XIRP2: variants seen among roughly 807,000 people sequenced by gnomAD.
XIRP2 encodes xin actin binding repeat containing 2.
Under a neutral mutation model 277.0 loss-of-function variants are expected in XIRP2, and 236 were observed. The ratio of observed to expected loss-of-function variants is 0.85; its 90% CI spans 0.77 to 0.95. The LOEUF is 0.95. Among genes scored for constraint, XIRP2 ranks in the 40% least tolerant of loss-of-function variants. XIRP2 has a pLI of 0.00. For missense variants in XIRP2, 4,640 were observed against 4,157.5 expected (o/e 1.12, Z -3.19); for synonymous variants, 1,490 against 1,416.5 (o/e 1.05, Z -1.17).
chr2:167,076,335 A>G (rs540829634), intron 2 of XIRP2, among the ~76,000 whole-genome samples: 63 of 152,318 alleles, frequency 4.1e-4, no homozygotes, highest in African/African-American at 1.4e-3. Context: ...CATCAAGCTT[A>G]AAATCTTTCA....
In XIRP2 at chr2:167,086,438, A is replaced by G. The variant is rs373134968; in HGVS notation, c.409-49471A>G. Among the ~76,000 whole-genome samples the G allele has an allele frequency of 2.6e-4, 39 of 152,022 alleles. 1 individual carries two copies. Among genetic ancestry groups the G allele is most frequent in the Admixed American group, 6.6e-4 (10 of 15,260 alleles). ...TATGTGTCTTGGAGTTGCTCTTCTC[A>G]AGGAGTATCTTTGTGGCGTTCTCTG... On this transcript the variant is annotated intron_variant, in intron 2 of 10. Coordinates refer to ENST00000409195, the MANE Select transcript of XIRP2 (RefSeq NM_152381.6).
Position 167,247,345 on chromosome 2 carries a change from G to A in XIRP2, c.5953G>A (p.Glu1985Lys). The A allele has an allele frequency of 6.2e-7, 1 of 1,613,710 alleles. No homozygotes were observed. The change falls in exon 9 of 11, where the codon GAG becomes AAG. Residue 1985 changes from glutamate (E) to lysine (K), a missense_variant. Physicochemically the swap from Glu to Lys is moderately conservative, Grantham distance 56 (BLOSUM62 1). Coordinates refer to ENST00000409195, the MANE Select transcript of XIRP2 (RefSeq NM_152381.6). ...SLLQPKPGPF[E>K]PAAKWQGGAD... ...TCTTCAGCCAAAGCCAGGTCCATTT[G>A]AGCCAGCGGCCAAGTGGCAAGGGGG...
chr2:167,050,351 A>C (rs1357534901), intron 2 of XIRP2, among the ~76,000 whole-genome samples: 1 of 152,216 alleles, frequency 6.6e-6, no homozygotes, highest in African/African-American at 2.4e-5. Flanking sequence ...AAATGATATG[A>C]AATCTTTGAA....
rs1354123293 is a variant in XIRP2 at position 167,242,628 on chromosome 2, T to A, written c.1236T>A (p.Thr412=). 2 of 1,614,084 alleles carry A rather than the reference T, an allele frequency of 1.2e-6. No individual in the cohort carries two copies. Among genetic ancestry groups the A allele is most frequent in the East Asian group, 4.5e-5 (2 of 44,852 alleles). ...CATCAGTTGTGAGTACCTCTTCCACTTCTTGCGTTTCAACCAGCCAGAGGA... is the reference window on the plus strand; with the variant it reads ...CATCAGTTGTGAGTACCTCTTCCACATCTTGCGTTTCAACCAGCCAGAGGA... ...KPSSVVSTSS[T]SCVSTSQRKE... The change falls in exon 9 of 11, where the codon ACT becomes ACA. Residue 412 remains threonine, a synonymous_variant. Transcript: ENST00000409195.
chr2:167,035,539 A>G (rs1351852076), intron 2 of XIRP2, among the ~76,000 whole-genome samples: 1 of 152,166 alleles, frequency 6.6e-6, no homozygotes, highest in Non-Finnish European at 1.5e-5. Flanking sequence ...GGTAGAAGAA[A>G]TTTCTAAGCA....
In XIRP2 at chr2:167,011,080, T is replaced by C. The variant is rs972855304; in HGVS notation, c.408+107190T>C. 5.3e-5 allele frequency among the ~76,000 whole-genome samples: 8 copies of C among 151,506 alleles called. No homozygotes were observed. The East Asian group carries it at 1.4e-3, about 26-fold the overall frequency. On this transcript the variant is annotated intron_variant, in intron 2 of 10. Coordinates refer to ENST00000409195, the MANE Select transcript of XIRP2 (RefSeq NM_152381.6). ...CCCTTTATTTCCTTCTCCTGCCTAATTGCCCTGGCCAGAACTTCCAACACT... is the reference window on the plus strand; with the variant it reads ...CCCTTTATTTCCTTCTCCTGCCTAACTGCCCTGGCCAGAACTTCCAACACT...
intron 1 of XIRP2, chr2:166,889,452 G>C (rs1268017629): frequency 6.6e-6 from 1 of 152,028 alleles, no homozygotes; most frequent in Non-Finnish European, 1.5e-5. Context: ...AGACACAGCA[G>C]AGGTTCTGGC....
At chr2:166,976,319 G>A (rs1686717572) in intron 2 of XIRP2, among the ~76,000 whole-genome samples, 1 of 152,134 alleles carries the variant, frequency 6.6e-6, no homozygotes, top group Admixed American at 6.6e-5. Flanking sequence ...CTCTAGCTGT[G>A]GCATTTCTTC....
chr2:167,179,167 A>G (rs1244086377), intron 3 of XIRP2, among the ~76,000 whole-genome samples: 1 of 152,150 alleles, frequency 6.6e-6, no homozygotes, highest in Non-Finnish European at 1.5e-5. Context: ...TATAACTGCA[A>G]TTACAATATT....
chr2:166,989,001 C>T (rs1258706039), intron 2 of XIRP2, among the ~76,000 whole-genome samples: 2 of 96,220 alleles, frequency 2.1e-5, no homozygotes. Context: ...TAGGCTCCAC[C>T]TCTGGGGGCA....
chr2:167,077,558 G>A (rs1689603744), intron 2 of XIRP2, among the ~76,000 whole-genome samples: 1 of 152,186 alleles, frequency 6.6e-6, no homozygotes, highest in Non-Finnish European at 1.5e-5. Context: ...GAACTGCAGA[G>A]ATGGGTGGAA....
At chr2:166,957,600 T>A (rs1364404203) in intron 2 of XIRP2, among the ~76,000 whole-genome samples, 1 of 151,688 alleles carries the variant, frequency 6.6e-6, no homozygotes, top group African/African-American at 2.4e-5. Flanking sequence ...CAGGAATGGG[T>A]AAATGGAACT....
Position 167,250,742 on chromosome 2 carries a change from G to T in XIRP2, c.9350G>T (p.Arg3117Leu), listed in dbSNP as rs1190499368. Residue 3117 changes from arginine (R) to leucine (L), a missense_variant, in exon 9 of 11, where the codon CGC becomes CTC. Coordinates refer to ENST00000409195, the MANE Select transcript of XIRP2 (RefSeq NM_152381.6). The part of the protein sequence containing the change: ...SNIPPPSLKT[R>L]PPSPTFITIE... ...ATTCCTCCTCCCTCTTTAAAAACAC[G>T]CCCACCGTCACCAACTTTTATCACA... 4 of 1,612,942 alleles carry T rather than the reference G, an allele frequency of 2.5e-6. No homozygotes were observed. The highest frequency in any genetic ancestry group is 2.2e-5 in the South Asian group (2 of 91,062).
chr2:167,128,681 A>G lies in XIRP2; in HGVS notation c.409-7228A>G, dbSNP rs73015955. The stretch of plus-strand genomic sequence containing the variant: ...CACCCCCACTTAATTCACTTGCAAG[A>G]GTTCTTGTTACCTACAGAATCAAAT... On this transcript the variant is annotated intron_variant, in intron 2 of 10. Transcript: ENST00000409195. Among the ~76,000 whole-genome samples, 623 of 152,250 alleles carry G rather than the reference A, an allele frequency of 4.1e-3. 5 individuals are homozygous for G. The highest frequency in any genetic ancestry group is 0.015 in the African/African-American group (606 of 41,542).
At chr2:167,186,769 T>C (rs568682378) in intron 3 of XIRP2, among the ~76,000 whole-genome samples, 1 of 152,094 alleles carries the variant, frequency 6.6e-6, no homozygotes, top group Non-Finnish European at 1.5e-5. Flanking sequence ...GGGTGCTCTC[T>C]ATTCTCTCTA....
chr2:166,896,461 T>G (rs1261474438), intron 1 of XIRP2, among the ~76,000 whole-genome samples: 1 of 151,682 alleles, frequency 6.6e-6, no homozygotes, highest in Non-Finnish European at 1.5e-5. Flanking sequence ...ATAATGTATA[T>G]GTCTTAGTTT....
At chr2:166,989,210 A>ACCCCC (rs1409727297) in intron 2 of XIRP2, among the ~76,000 whole-genome samples, 1 of 99,104 alleles carries the variant, frequency 1.0e-5, no homozygotes, top group African/African-American at 5.8e-5. Context: ...CAGCAGGGGC[A>ACCCCC]CACTGACACC....
intron 1 of XIRP2, among the ~76,000 whole-genome samples, chr2:166,897,836 G>A (rs192405675): frequency 5.5e-4 from 84 of 152,168 alleles, no homozygotes; most frequent in African/African-American, 2.0e-3. Context: ...CATGCAGTGG[G>A]GGTTGGAACA....
intron 2 of XIRP2, among the ~76,000 whole-genome samples, chr2:167,076,028 G>GT (rs1689561654): frequency 6.6e-6 from 1 of 152,010 alleles, no homozygotes. Flanking sequence ...AGAATAGGCA[G>GT]TTTTTTACAG....
Sources: gnomAD v4.1 joint callset for allele counts (sites outside exome capture counted in the v4.1 genomes callset) on GRCh38, gnomAD v4.1.1 for gene constraint, MANE v1.5 for transcripts, NCBI Gene and HGNC (gene_info 2026-07-23, HGNC 2026-07-21) for gene names.